The following MYBPC2 variants were observed in gnomAD, a reference collection of about 807,000 sequenced individuals.
The protein encoded by MYBPC2 is myosin binding protein C2.
A neutral mutation model predicts 137.0 loss-of-function variants in MYBPC2; 122 were observed. That is an observed-to-expected ratio of 0.89 (90% CI 0.77 to 1.03). MYBPC2 has a LOEUF of 1.03. Among genes scored for constraint, MYBPC2 ranks in the 50% least tolerant of loss-of-function variants. The pLI is 0.00. For synonymous variants in MYBPC2, 626 were observed against 612.3 expected (o/e 1.02, Z -0.33); for missense variants, 1,500 against 1,534.4 (o/e 0.98, Z 0.37).
chr19:50,437,112 G>T (rs2039710833), intron 5 of MYBPC2, among the ~76,000 whole-genome samples: 1 of 152,108 alleles, frequency 6.6e-6, no homozygotes, highest in Admixed American at 6.5e-5. Context: ...ACACGGATTT[G>T]AGGGCACATA....
intron 26 of MYBPC2, 53 bp from the exon 27 acceptor site, chr19:50,464,293 C>T (rs929772951): frequency 3.3e-6 from 5 of 1,500,454 alleles, no homozygotes; most frequent in Non-Finnish European, 2.7e-6. Context: ...ATTTTGTCAT[C>T]ATTGCCCAGG....
intron 26 of MYBPC2, among the ~76,000 whole-genome samples, chr19:50,463,328 G>A (rs543572732): frequency 1.3e-5 from 2 of 152,280 alleles, no homozygotes; most frequent in Admixed American, 6.5e-5. Flanking sequence ...GGTCTGGGCT[G>A]TAGGTTATTC....
intron 27 of MYBPC2, among the ~76,000 whole-genome samples, chr19:50,464,900 C>T (rs1007434876): frequency 2.0e-5 from 3 of 152,030 alleles, no homozygotes; most frequent in African/African-American, 7.2e-5. Flanking sequence ...CCAGGGGTGG[C>T]GGGAGCTCCC....
At chr19:50,437,214 C>G (rs2039711913) in intron 5 of MYBPC2, among the ~76,000 whole-genome samples, 1 of 151,918 alleles carries the variant, frequency 6.6e-6, no homozygotes, top group African/African-American at 2.4e-5. Flanking sequence ...TGAGATTGTC[C>G]AGGCCTGGGG....
In MYBPC2 at chr19:50,455,221, G is replaced by T. The variant is rs2039898394; in HGVS notation, c.2128G>T (p.Glu710Ter). 3.7e-6 allele frequency: 6 copies of T among 1,613,922 alleles called. No individual in the cohort carries two copies. The highest frequency in any genetic ancestry group is 5.1e-6 in the Non-Finnish European group (6 of 1,179,862). The change falls in exon 19 of 28, where the codon GAG becomes TAG. Residue 710 changes from glutamate to a stop codon, truncating the protein, a stop_gained. Coordinates refer to ENST00000357701, the MANE Select transcript of MYBPC2 (RefSeq NM_004533.4). LOFTEE classifies it high-confidence loss of function. The stretch of plus-strand genomic sequence containing the variant: ...CAAGATGATCGAGGGCATCCTCTAT[G>T]AGATGCGTGTCTTCGCCGTCAATGC... The part of the protein sequence containing the change: ...STKMIEGILY[E>*]MRVFAVNAIG...
intron 11 of MYBPC2, among the ~76,000 whole-genome samples, chr19:50,444,870 A>T (rs898947713): frequency 1.2e-4 from 14 of 116,316 alleles, no homozygotes; most frequent in African/African-American, 5.2e-4. Context: ...ACACAGCGAG[A>T]CTCCGTCTCA....
At chr19:50,458,470 A>G (rs929908948) in intron 20 of MYBPC2, 117 bp from the exon 21 acceptor site, 1 of 1,208,286 alleles carries the variant, frequency 8.3e-7, no homozygotes, top group African/African-American at 1.5e-5. Context: ...TGCTGCTTCT[A>G]CTGGGAACTT....
intron 20 of MYBPC2, among the ~76,000 whole-genome samples, chr19:50,456,386 A>G (rs935321114): frequency 2.8e-4 from 41 of 144,314 alleles, no homozygotes; most frequent in African/African-American, 1.1e-3. Flanking sequence ...CTATCCATCC[A>G]TCCATCCATC....
At chr19:50,453,695 C>A (rs184585472) in intron 16 of MYBPC2, among the ~76,000 whole-genome samples, 1 of 152,022 alleles carries the variant, frequency 6.6e-6, no homozygotes, top group Non-Finnish European at 1.5e-5. Context: ...CATGCACCAC[C>A]AGGCCCGGCT....
intron 13 of MYBPC2, among the ~76,000 whole-genome samples, 198 bp downstream of exon 13, chr19:50,448,588 C>A (rs2039828835): frequency 6.6e-6 from 1 of 152,006 alleles, no homozygotes; most frequent in South Asian, 2.1e-4. Flanking sequence ...CCTGCCTCAG[C>A]CTCCCAAGTA....
intron 13 of MYBPC2, among the ~76,000 whole-genome samples, chr19:50,448,660 A>G (rs1238278666): frequency 6.6e-6 from 1 of 151,650 alleles, no homozygotes; most frequent in East Asian, 1.9e-4. Context: ...GGGTTTTGCC[A>G]TGTTAGTCAG....
intron 8 of MYBPC2, among the ~76,000 whole-genome samples, 163 bp from the exon 9 acceptor site, chr19:50,442,018 A>G (rs2039760558): frequency 6.6e-6 from 1 of 152,118 alleles, no homozygotes; most frequent in African/African-American, 2.4e-5. Context: ...CATCACCACC[A>G]GAGAAGTTCT....
chr19:50,436,469 C>A (rs2039704401), intron 4 of MYBPC2, 148 bp from the exon 5 acceptor site: 15 of 769,806 alleles, frequency 1.9e-5, no homozygotes, highest in Non-Finnish European at 2.5e-5. Context: ...AGCTGGCCAC[C>A]AGGTGCTGAG....
At chr19:50,448,884 G>A (rs1469030733) in intron 13 of MYBPC2, among the ~76,000 whole-genome samples, 4 of 150,650 alleles carry the variant, frequency 2.7e-5, no homozygotes, top group Non-Finnish European at 2.9e-5. Flanking sequence ...ACAGGCATGC[G>A]CCACCATGCT....
At position 50,451,782 on chromosome 19, in the gene MYBPC2, A is replaced by G. The variant is rs1265402562; in HGVS notation, c.1610-82A>G. ...GTGTCTCTGTCACTGTTGGAACCCAACTTTTTGGAGATTCTCTTGTGGGAA... is the reference window on the plus strand; with the variant it reads ...GTGTCTCTGTCACTGTTGGAACCCAGCTTTTTGGAGATTCTCTTGTGGGAA... On this transcript the variant is annotated intron_variant, in intron 15 of 27. Coordinates refer to ENST00000357701, the MANE Select transcript of MYBPC2 (RefSeq NM_004533.4). The G allele has an allele frequency of 3.9e-6, 6 of 1,537,706 alleles. No homozygotes were observed. In the Admixed American group the frequency reaches 9.9e-5, roughly 25 times the overall value.
intron 9 of MYBPC2, 102 bp downstream of exon 9, chr19:50,442,415 C>T (rs2039764708): frequency 1.4e-6 from 2 of 1,474,906 alleles, no homozygotes; most frequent in Non-Finnish European, 9.1e-7. Flanking sequence ...GCATATTCAC[C>T]CCTATATGAA....
intron 12 of MYBPC2, among the ~76,000 whole-genome samples, chr19:50,447,642 G>A (rs183991022): frequency 1.2e-4 from 18 of 152,208 alleles, no homozygotes; most frequent in Admixed American, 5.2e-4. Context: ...TGGATCACCT[G>A]AGGTCAGGAG....
chr19:50,447,203 T>A (rs952276169), intron 12 of MYBPC2, among the ~76,000 whole-genome samples: 30 of 151,960 alleles, frequency 2.0e-4, no homozygotes, highest in Admixed American at 1.3e-3. Flanking sequence ...AGGTCTGTGG[T>A]CTGAGTAACA....
At position 50,466,159 on chromosome 19, in the gene MYBPC2, C is replaced by T. The variant is rs199869773; in HGVS notation, c.3416-36C>T. On this transcript the variant is annotated intron_variant, in intron 27 of 27. Transcript: ENST00000357701. The surrounding 1 kb of genome is among the most constrained non-coding windows in gnomAD (Gnocchi z 4.9). Reference sequence around the variant, plus strand: ...CTGGGGCTTCAGGAGGAGGCGTGCCCGGGCCTGGCTCACCCGCTTTCTCGT... The same window carrying T: ...CTGGGGCTTCAGGAGGAGGCGTGCCTGGGCCTGGCTCACCCGCTTTCTCGT... 6.3e-4 allele frequency: 1,023 copies of T among 1,613,180 alleles called. 1 individual carries two copies. The highest frequency in any genetic ancestry group is 1.5e-3 in the Admixed American group (89 of 59,972).
Sources: allele counts gnomAD v4.1 joint callset (sites outside exome capture counted in the v4.1 genomes callset), GRCh38; gene constraint gnomAD v4.1.1; non-coding constraint Gnocchi (gnomAD v3.1); transcripts MANE v1.5; gene names NCBI Gene and HGNC (gene_info 2026-07-23, HGNC 2026-07-21).